TMEM132D: variants seen among roughly 807,000 people sequenced by gnomAD.
The protein encoded by TMEM132D is mature OL transmembrane protein.
Under a neutral mutation model 62.3 loss-of-function variants are expected in TMEM132D, and 21 were observed. The ratio of observed to expected loss-of-function variants is 0.34; its 90% CI spans 0.24 to 0.49. The LOEUF is 0.49. Among genes scored for constraint, TMEM132D ranks in the 20% least tolerant of loss-of-function variants. The pLI is 0.99. For missense variants in TMEM132D, 1,346 were observed against 1,402.8 expected (o/e 0.96, Z 0.65); for synonymous variants, 621 against 575.6 (o/e 1.08, Z -1.13).
At chr12:129,289,168 C>G (rs535630446) in intron 4 of TMEM132D, among the ~76,000 whole-genome samples, 2 of 152,010 alleles carry the variant, frequency 1.3e-5, no homozygotes, top group Non-Finnish European at 2.9e-5. Context: ...TGAATAAATT[C>G]GAGATATCTG....
At chr12:129,403,444 G>T (rs1378122277) in intron 3 of TMEM132D, among the ~76,000 whole-genome samples, 1 of 151,654 alleles carries the variant, frequency 6.6e-6, no homozygotes, top group Non-Finnish European at 1.5e-5. Flanking sequence ...TTCATGTGGA[G>T]TGAGTAGGAA....
intron 3 of TMEM132D, among the ~76,000 whole-genome samples, chr12:129,484,299 G>A (rs1874517220): frequency 6.6e-6 from 1 of 152,040 alleles, no homozygotes; most frequent in Admixed American, 6.5e-5. Context: ...CTAAAATCTT[G>A]GGCACTTGCT....
rs556753871 is a variant in TMEM132D at position 129,270,015 on chromosome 12, G to C, written c.1300-60352C>G. 9.2e-5 allele frequency among the ~76,000 whole-genome samples: 14 copies of C among 152,240 alleles called. No individual in the cohort carries two copies. The South Asian group carries it at 2.7e-3, about 29-fold the overall frequency. Reference sequence around the variant, plus strand: ...AGAACAGAATGGGAAAATCAAGCGAGCCACTCGGGAAAAGCCGCAGGCCGA... The same window carrying C: ...AGAACAGAATGGGAAAATCAAGCGACCCACTCGGGAAAAGCCGCAGGCCGA... On this transcript the variant is annotated intron_variant, in intron 4 of 8. Transcript: ENST00000422113.
At chr12:129,712,239 C>T (rs911141065) in intron 1 of TMEM132D, among the ~76,000 whole-genome samples, 1 of 152,110 alleles carries the variant, frequency 6.6e-6, no homozygotes, top group Non-Finnish European at 1.5e-5. Flanking sequence ...ATTCTCCTGC[C>T]TCAGCCTCCC....
intron 4 of TMEM132D, among the ~76,000 whole-genome samples, chr12:129,227,830 T>G (rs1433931875): frequency 6.6e-6 from 1 of 152,088 alleles, no homozygotes; most frequent in East Asian, 1.9e-4. Flanking sequence ...TTCCCACCTA[T>G]GAGTGAGAAT....
intron 1 of TMEM132D, among the ~76,000 whole-genome samples, chr12:129,845,595 AATTTC>A (rs1223987020): frequency 1.3e-5 from 2 of 152,218 alleles, no homozygotes; most frequent in Middle Eastern, 3.2e-3. Flanking sequence ...TCTGTCTCAA[AATTTC>A]ATTACAAGTT....
At chr12:129,347,106 C>T (rs1033836564) in intron 3 of TMEM132D, among the ~76,000 whole-genome samples, 3 of 152,126 alleles carry the variant, frequency 2.0e-5, no homozygotes, top group Non-Finnish European at 2.9e-5. Context: ...TAGAAAGAAT[C>T]GGTATCGTGA....
chr12:129,780,225 G>C (rs1169029936), intron 1 of TMEM132D, among the ~76,000 whole-genome samples: 1 of 151,880 alleles, frequency 6.6e-6, no homozygotes, highest in Non-Finnish European at 1.5e-5. Context: ...GTCCCGCTGT[G>C]TGCTGGGCAC....
intron 3 of TMEM132D, among the ~76,000 whole-genome samples, chr12:129,442,045 C>T: frequency 6.6e-6 from 1 of 152,210 alleles, no homozygotes. Context: ...TGCTCACTTC[C>T]TGGGTGACAG....
chr12:129,480,104 C>T (rs1177458245), intron 3 of TMEM132D, among the ~76,000 whole-genome samples: 1 of 152,024 alleles, frequency 6.6e-6, no homozygotes, highest in African/African-American at 2.4e-5. Context: ...AGAAAGTTCT[C>T]ACTGTGTCCT....
intron 2 of TMEM132D, among the ~76,000 whole-genome samples, chr12:129,594,320 G>A (rs546673113): frequency 5.9e-5 from 9 of 152,322 alleles, no homozygotes; most frequent in Admixed American, 2.0e-4. Context: ...TTTCTTGACA[G>A]TCATCACATA....
intron 2 of TMEM132D, among the ~76,000 whole-genome samples, chr12:129,573,105 C>T (rs1369478904): frequency 1.3e-5 from 2 of 152,156 alleles, no homozygotes; most frequent in Non-Finnish European, 2.9e-5. Flanking sequence ...AGCTCTGTGT[C>T]GTGGTGCTAG....
chr12:129,222,548 C>G (rs923647437), intron 4 of TMEM132D, among the ~76,000 whole-genome samples: 1 of 152,198 alleles, frequency 6.6e-6, no homozygotes, highest in South Asian at 2.1e-4. Context: ...AATTTTATCT[C>G]TGACTGCCTT....
At chr12:129,864,513 G>T (rs2137371288) in intron 1 of TMEM132D, among the ~76,000 whole-genome samples, 1 of 152,268 alleles carries the variant, frequency 6.6e-6, no homozygotes, top group South Asian at 2.1e-4. Context: ...CACTGAAAAA[G>T]ATAAGGTGTT....
intron 3 of TMEM132D, among the ~76,000 whole-genome samples, chr12:129,529,440 G>C (rs1876152069): frequency 6.6e-6 from 1 of 152,164 alleles, no homozygotes. Flanking sequence ...GCCACCATTG[G>C]GCCCCCCCAT....
chr12:129,628,708 A>G (rs1436063643), intron 2 of TMEM132D, among the ~76,000 whole-genome samples: 4 of 152,158 alleles, frequency 2.6e-5, no homozygotes, highest in Non-Finnish European at 5.9e-5. Context: ...ACTAAGGAAA[A>G]GCACAGTGTG....
At chr12:129,783,923 C>T (rs148850327) in intron 1 of TMEM132D, among the ~76,000 whole-genome samples, 25 of 152,304 alleles carry the variant, frequency 1.6e-4, no homozygotes, top group African/African-American at 6.0e-4. Flanking sequence ...ACGATCATCA[C>T]ATCTTTGAGT....
intron 1 of TMEM132D, among the ~76,000 whole-genome samples, chr12:129,703,952 T>G (rs1165735970): frequency 1.4e-5 from 2 of 148,058 alleles, no homozygotes; most frequent in Non-Finnish European, 3.0e-5. Context: ...ACATCCATGC[T>G]GAAAATTAGG....
At chr12:129,358,514 A>C (rs1020277734) in intron 3 of TMEM132D, among the ~76,000 whole-genome samples, 9 of 152,166 alleles carry the variant, frequency 5.9e-5, no homozygotes, top group Non-Finnish European at 1.3e-4. Flanking sequence ...AGACACCACA[A>C]ATCAGGGCTT....
Sources: allele counts gnomAD v4.1 joint callset (sites outside exome capture counted in the v4.1 genomes callset), GRCh38; gene constraint gnomAD v4.1.1; transcripts MANE v1.5; gene names NCBI Gene and HGNC (gene_info 2026-07-23, HGNC 2026-07-21).